The following PKD1 variants were observed in gnomAD, a reference collection of about 807,000 sequenced individuals.
PKD1 encodes polycystin-1.
In PKD1, 81 loss-of-function variants were observed where a neutral mutation model predicts 361.7. The ratio of observed to expected loss-of-function variants is 0.22; its 90% CI spans 0.19 to 0.27. The LOEUF (loss-of-function observed/expected upper bound fraction) is 0.27. Among genes scored for constraint, PKD1 ranks in the 10% least tolerant of loss-of-function variants. The pLI is 1.00. For synonymous variants in PKD1, 3,615 were observed against 2,818.3 expected (o/e 1.28, Z -8.95); for missense variants, 6,399 against 6,118.3 (o/e 1.05, Z -1.53).
Position 2,088,884 on chromosome 16 carries a change from CACA to C in PKD1, c.*840_*842del, listed in dbSNP as rs2091279236. On this transcript the variant is annotated 3_prime_UTR_variant, in exon 46 of 46. Transcript: ENST00000262304. ...GCACACTCGCGCGTGCGCGCGCGCACACACACACACACACAGTCACCTTCCTCC... is the reference window on the plus strand; with the variant it reads ...GCACACTCGCGCGTGCGCGCGCGCACCACACACACACAGTCACCTTCCTCC... 9.1e-6 allele frequency: 3 copies of C among 328,134 alleles called. No homozygotes were observed. The highest frequency in any genetic ancestry group is 3.0e-5 in the South Asian group (1 of 33,744). 20.3% of individuals were successfully genotyped at this position (328,134 alleles called of 1,614,324 possible).
chr16:2,102,713 C>T, intron 24 of PKD1, 80 bp from the exon 25 acceptor site: 1 of 1,606,690 alleles, frequency 6.2e-7, no homozygotes, highest in South Asian at 1.1e-5. Flanking sequence ...ATACCCGGTC[C>T]AGTCCCCTCG....
rs768370459 is a variant in PKD1 at position 2,090,710 on chromosome 16, C to T, written c.12102G>A (p.Val4034=). The change falls in exon 44 of 46, where the codon GTG becomes GTA. Residue 4034 remains valine, a synonymous_variant. Coordinates refer to ENST00000262304, the MANE Select transcript of PKD1 (RefSeq NM_001009944.3). ...PELLGVTLGL[V]VLGVAYAQLA... is the part of the protein sequence containing the mutation. ...GCTGGGCGTAGGCTACCCCGAGCAC[C>T]ACCAGGCCCAAGGTGACCCCCAGGA... is the stretch of plus-strand genomic sequence containing the variant. The T allele has an allele frequency of 1.4e-5, 22 of 1,612,386 alleles. No individual in the cohort carries two copies. Among genetic ancestry groups the T allele is most frequent in the Non-Finnish European group, 1.8e-5 (21 of 1,179,972 alleles).
rs569903324 is a variant in PKD1 at position 2,130,485 on chromosome 16, T to C, written c.215+4990A>G. ...CCTTGGAGAATCATCTGCGTGTTGG[T>C]TGAACGCGGGCTCCAGTGATAACGG... On this transcript the variant is annotated intron_variant, in intron 1 of 45. Transcript: ENST00000262304. Among the ~76,000 whole-genome samples the C allele has an allele frequency of 1.2e-3, 190 of 152,312 alleles. 1 individual carries two copies. The highest frequency in any genetic ancestry group is 4.3e-3 in the African/African-American group (180 of 41,580).
chr16:2,106,856 G>A lies in PKD1; in HGVS notation c.7158C>T (p.Tyr2386=), dbSNP rs1194528906. Reference sequence around the variant, plus strand: ...TGAGGCAGCGGCCCTCCAAGTACACGTAGGAGCTGCGGCTCACTTCGTACA... The same window carrying A: ...TGAGGCAGCGGCCCTCCAAGTACACATAGGAGCTGCGGCTCACTTCGTACA... The part of the protein sequence containing the change: ...QAVYEVSRSS[Y]VYLEGRCLNC... The change falls in exon 17 of 46, where the codon TAC becomes TAT. Residue 2386 remains tyrosine, a synonymous_variant. Coordinates refer to ENST00000262304, the MANE Select transcript of PKD1 (RefSeq NM_001009944.3). The surrounding 1 kb of genome is among the most constrained non-coding windows in gnomAD (Gnocchi z 6.5). 1.2e-5 allele frequency: 19 copies of A among 1,544,104 alleles called. No individual in the cohort carries two copies. The highest frequency in any genetic ancestry group is 4.4e-5 in the African/African-American group (3 of 68,614).
intron 30 of PKD1, among the ~76,000 whole-genome samples, chr16:2,098,457 C>CAGGCTGGTCTTGGAACTCCT (rs2091944402): frequency 6.7e-6 from 1 of 149,366 alleles, no homozygotes; most frequent in African/African-American, 2.5e-5. Flanking sequence ...GTGATCTGCC[C>CAGGCTGGTCTTGGAACTCCT]GCCTCCGCCT....
At chr16:2,094,647 A>G (rs768302345) in intron 34 of PKD1, 10 of 249,176 alleles carry the variant, frequency 4.0e-5, no homozygotes, top group Non-Finnish European at 7.1e-5. Context: ...CTGGACAAGG[A>G]AACATATGAA....
chr16:2,110,614 T>C lies in PKD1; in HGVS notation c.4553A>G (p.Asn1518Ser). The change falls in exon 15 of 46, where the codon AAC (asparagine) becomes AGC (serine). Residue 1518 changes from asparagine to serine, a missense_variant. Coordinates refer to ENST00000262304, the MANE Select transcript of PKD1 (RefSeq NM_001009944.3). ...LEGPEVTHAY[N>S]STGDFTVRVA... ...CCTAACGGTGAAGTCACCTGTGCTG[T>C]TGTAAGCGTGGGTGACCTCCGGACC... 2 of 1,610,296 alleles carry C rather than the reference T, an allele frequency of 1.2e-6. No homozygotes were observed. The highest frequency in any genetic ancestry group is 1.7e-6 in the Non-Finnish European group (2 of 1,179,476).
rs557909051 is a variant in PKD1 at position 2,089,662 on chromosome 16, G to T, written c.*65C>A. The stretch of plus-strand genomic sequence containing the variant: ...CTGCCTGGCCCTCGGCCTTGACAGC[G>T]GCAGAAAGTAATACTGAGCGGTGTC... On this transcript the variant is annotated 3_prime_UTR_variant, in exon 46 of 46. Transcript: ENST00000262304. 2.6e-6 allele frequency: 4 copies of T among 1,533,642 alleles called. No individual in the cohort carries two copies. The highest frequency in any genetic ancestry group is 2.5e-5 in the East Asian group (1 of 40,740).
Position 2,089,568 on chromosome 16 carries a change from T to TA in PKD1, c.*158dup. The TA allele has an allele frequency of 1.1e-6, 1 of 918,672 alleles. No individual in the cohort carries two copies. Among genetic ancestry groups the TA allele is most frequent in the South Asian group, 1.6e-5 (1 of 61,692 alleles). The allele number at this position is 918,672 out of a possible 1,614,324, so 56.9% of individuals were successfully genotyped here. ...GTCCTGGTTGGCCACACAGCCTCTT[T>TA]AAAGTGCTGAAGCCCACAGACAGAC... is the stretch of plus-strand genomic sequence containing the variant. On this transcript the variant is annotated 3_prime_UTR_variant, in exon 46 of 46. Transcript: ENST00000262304.
chr16:2,109,053 G>A lies in PKD1; in HGVS notation c.6114C>T (p.Ile2038=), dbSNP rs779702634. Residue 2038 remains isoleucine, a synonymous_variant, in exon 15 of 46, where the codon ATC becomes ATT. Transcript: ENST00000262304. ...YTPVAAGLLE[I]QVRAFNALGS... ...CCAGGGCGTTGAAGGCGCGCACCTG[G>A]ATCTCCAACAGCCCCGCGGCCACGG... 2.8e-5 allele frequency: 45 copies of A among 1,607,204 alleles called. No individual in the cohort carries two copies. The highest frequency in any genetic ancestry group is 2.2e-5 in the East Asian group (1 of 44,718).
In PKD1 at chr16:2,111,401, G is replaced by T. The variant is rs745647957; in HGVS notation, c.3766C>A (p.Pro1256Thr). The change falls in exon 15 of 46, where the codon CCG (proline) becomes ACG (threonine). Residue 1256 changes from proline (P) to threonine (T), a missense_variant. Coordinates refer to ENST00000262304, the MANE Select transcript of PKD1 (RefSeq NM_001009944.3). Reference protein sequence around the residue: ...DMGDGTVLSGPEATVEHVYLR... With the variant: ...DMGDGTVLSGTEATVEHVYLR... ...TACACATGCTCCACTGTTGCCTCCGGGCCCGACAGCACGGTGCCGTCCCCC... is the reference window on the plus strand; with the variant it reads ...TACACATGCTCCACTGTTGCCTCCGTGCCCGACAGCACGGTGCCGTCCCCC... 2.5e-6 allele frequency: 4 copies of T among 1,611,544 alleles called. No homozygotes were observed. Among genetic ancestry groups the T allele is most frequent in the Middle Eastern group, 1.6e-4 (1 of 6,068 alleles).
rs1243346315 is a variant in PKD1, at chr16:2,108,090, G to C, written c.6916-58C>G. The stretch of plus-strand genomic sequence containing the variant: ...GAGAGCCCCATCCAGTTTTAAAGCA[G>C]AGCCCGGCCCAGGAGACAGCGCGGG... On this transcript the variant is annotated intron_variant, in intron 15 of 45. Coordinates refer to ENST00000262304, the MANE Select transcript of PKD1 (RefSeq NM_001009944.3). 1.5e-5 allele frequency: 23 copies of C among 1,580,856 alleles called. No individual in the cohort carries two copies. The Admixed American group carries it at 3.0e-4, about 21-fold the overall frequency.
intron 1 of PKD1, among the ~76,000 whole-genome samples, chr16:2,124,052 G>T (rs1022467688): frequency 1.3e-5 from 2 of 152,178 alleles, no homozygotes; most frequent in Admixed American, 6.5e-5. Context: ...GGCACCACTG[G>T]GTGGAGAAGG....
chr16:2,104,616 G>C lies in PKD1; in HGVS notation c.8043C>G (p.Arg2681=), dbSNP rs1040303746. 6.3e-7 allele frequency: 1 copy of C among 1,584,422 alleles called. No individual in the cohort carries two copies. The highest frequency in any genetic ancestry group is 1.4e-5 in the African/African-American group (1 of 72,584). The change falls in exon 22 of 46, where the codon CGC becomes CGG. Residue 2681 remains arginine (R), a synonymous_variant. Coordinates refer to ENST00000262304, the MANE Select transcript of PKD1 (RefSeq NM_001009944.3). ...TGTGCAGCGTCTGCTTCAGGCACGA[G>C]CGGCATACGAGCTCCCTGCTGGGCC... The part of the protein sequence containing the change: ...CMGPSRELVC[R]SCLKQTLHKL...
At chr16:2,123,092 G>A (rs2092747716) in intron 1 of PKD1, among the ~76,000 whole-genome samples, 1 of 152,190 alleles carries the variant, frequency 6.6e-6, no homozygotes, top group African/African-American at 2.4e-5. Context: ...CTGTGAACCA[G>A]GCCTGGGGGT....
intron 42 of PKD1, 48 bp downstream of exon 42, chr16:2,091,374 CG>C: frequency 1.0e-6 from 1 of 991,566 alleles, no homozygotes. Flanking sequence ...CGCGAGGGGG[CG>C]GGACGCTGCC....
intron 1 of PKD1, among the ~76,000 whole-genome samples, chr16:2,125,014 G>A (rs1306505131): frequency 1.3e-5 from 2 of 152,184 alleles, no homozygotes; most frequent in Non-Finnish European, 2.9e-5. Context: ...CAGTGTGGGC[G>A]CTGGAGAGGA....
chr16:2,110,805 G>A lies in PKD1; in HGVS notation c.4362C>T (p.Ala1454=), dbSNP rs764268931. ...TVTASNNISA[A]NDSALVEVQE... is the part of the protein sequence containing the mutation. Reference sequence around the variant, plus strand: ...GCACCTCCACCAGGGCTGAGTCATTGGCAGCAGAGATGTTGTTGGACGCGG... The same window carrying A: ...GCACCTCCACCAGGGCTGAGTCATTAGCAGCAGAGATGTTGTTGGACGCGG... Residue 1454 remains alanine, a synonymous_variant, in exon 15 of 46, where the codon GCC becomes GCT. Transcript: ENST00000262304. 2 of 1,611,370 alleles carry A rather than the reference G, an allele frequency of 1.2e-6. No individual in the cohort carries two copies. Among genetic ancestry groups the A allele is most frequent in the African/African-American group, 2.7e-5 (2 of 74,882 alleles).
chr16:2,092,445 C>T (rs770085586), intron 39 of PKD1, 35 bp downstream of exon 39: 8 of 1,393,304 alleles, frequency 5.7e-6, no homozygotes, highest in East Asian at 2.3e-5. Flanking sequence ...ACAAGAGGAA[C>T]GATTTAAGTC....
Sources: gnomAD v4.1 joint callset for allele counts (sites outside exome capture counted in the v4.1 genomes callset) on GRCh38, gnomAD v4.1.1 for gene constraint, Gnocchi (gnomAD v3.1) non-coding constraint, MANE v1.5 for transcripts, NCBI Gene and HGNC (gene_info 2026-07-23, HGNC 2026-07-21) for gene names.